RSRC1: variants seen among roughly 807,000 people sequenced by gnomAD.
RSRC1 encodes arginine and serine rich coiled-coil 1.
In RSRC1, 39 loss-of-function variants were observed where a neutral mutation model predicts 49.1. That is an observed-to-expected ratio of 0.79 (90% CI 0.61 to 1.04). The LOEUF (loss-of-function observed/expected upper bound fraction) is 1.04. Among genes scored for constraint, RSRC1 ranks in the 50% least tolerant of loss-of-function variants. The pLI is 0.00. For missense variants in RSRC1, 388 were observed against 402.4 expected, an observed-to-expected ratio of 0.96 and a Z score of 0.31; for synonymous variants, 143 against 130.8, an observed-to-expected ratio of 1.09 and a Z score of -0.63.
At chr3:158,161,410 T>C (rs1718210512) in intron 3 of RSRC1, among the ~76,000 whole-genome samples, 1 of 152,206 alleles carries the variant, frequency 6.6e-6, no homozygotes, top group Non-Finnish European at 1.5e-5. Flanking sequence ...CAACATTTCA[T>C]TGGCCAAAGC....
chr3:158,236,127 A>G (rs1486112512), intron 4 of RSRC1, among the ~76,000 whole-genome samples: 2 of 150,756 alleles, frequency 1.3e-5, no homozygotes, highest in South Asian at 2.1e-4. Context: ...AAAAAAAAAA[A>G]AGGAAGAAGA....
intron 3 of RSRC1, among the ~76,000 whole-genome samples, chr3:158,152,687 G>A (rs1180719384): frequency 6.6e-6 from 1 of 152,142 alleles, no homozygotes; most frequent in African/African-American, 2.4e-5. Flanking sequence ...TGAGATACAT[G>A]TGAGTACATA....
At chr3:158,349,220 T>C (rs1730727064) in intron 5 of RSRC1, among the ~76,000 whole-genome samples, 1 of 152,192 alleles carries the variant, frequency 6.6e-6, no homozygotes, top group Admixed American at 6.5e-5. Flanking sequence ...TGTGCATCCA[T>C]GTTAACTAAC....
At chr3:158,173,071 T>G (rs1359418976) in intron 3 of RSRC1, among the ~76,000 whole-genome samples, 1 of 152,088 alleles carries the variant, frequency 6.6e-6, no homozygotes, top group African/African-American at 2.4e-5. Flanking sequence ...TAATTAAATT[T>G]TTGCCCACTG....
chr3:158,363,908 G>C (rs1731617735), intron 6 of RSRC1, among the ~76,000 whole-genome samples: 1 of 152,100 alleles, frequency 6.6e-6, no homozygotes, highest in Non-Finnish European at 1.5e-5. Context: ...ACCCTTCCTA[G>C]GAGAGAAACT....
chr3:158,394,877 C>T (rs548131442), intron 6 of RSRC1, among the ~76,000 whole-genome samples: 2 of 152,128 alleles, frequency 1.3e-5, no homozygotes, highest in East Asian at 3.9e-4. Flanking sequence ...CCCAAATAGC[C>T]AAAGCAATCC....
intron 6 of RSRC1, among the ~76,000 whole-genome samples, chr3:158,378,580 C>T (rs1732512133): frequency 6.6e-6 from 1 of 152,144 alleles, no homozygotes; most frequent in East Asian, 1.9e-4. Context: ...GAAATATCAA[C>T]TTAATTAATT....
chr3:158,516,630 G>C (rs6776507), intron 7 of RSRC1, among the ~76,000 whole-genome samples: 78,551 of 151,946 alleles, frequency 0.52, 20,777 homozygotes, highest in African/African-American at 0.62. Context: ...CCACCCGGTT[G>C]GAGCTTCCCG....
Position 158,545,188 on chromosome 3 carries a change from A to ATTTTTTTTTTTTTTTT in RSRC1, c.*917_*918insTTTTTTTTTTTTTTTT, listed in dbSNP as rs1386441866. ...GCTGACATGAATATTTCCCGTTTCT[A>ATTTTTTTTTTTTTTTT]TTTTCTTTTTTTTTTTTTTTTTTTT... On this transcript the variant is annotated 3_prime_UTR_variant, in exon 10 of 10. Transcript: ENST00000611884. 2 of 58,792 alleles carry ATTTTTTTTTTTTTTTT rather than the reference A, an allele frequency of 3.4e-5. No homozygotes were observed. The highest frequency in any genetic ancestry group is 1.7e-4 in the Admixed American group (1 of 5,716). The allele number at this position is 58,792 out of a possible 1,614,324, so 3.6% of individuals were successfully genotyped here.
At position 158,511,808 on chromosome 3, in the gene RSRC1, T is replaced by C. The variant is rs577766001; in HGVS notation, c.653-25284T>C. Among the ~76,000 whole-genome samples, 51 of 151,920 alleles carry C rather than the reference T, an allele frequency of 3.4e-4. No individual in the cohort carries two copies. The South Asian group carries it at 5.8e-3, about 17-fold the overall frequency. The stretch of plus-strand genomic sequence containing the variant: ...TGTTGTTTCCTAACTTTTTAATGAT[T>C]GCCATTCTAAGTGGTGTGAGATGGT... On this transcript the variant is annotated intron_variant, in intron 7 of 9. Transcript: ENST00000611884.
At chr3:158,144,982 G>C (rs1716992044) in intron 3 of RSRC1, among the ~76,000 whole-genome samples, 2 of 151,952 alleles carry the variant, frequency 1.3e-5, no homozygotes, top group Non-Finnish European at 2.9e-5. Flanking sequence ...TGATGGGGTT[G>C]TTTTTTTCTT....
intron 6 of RSRC1, among the ~76,000 whole-genome samples, chr3:158,422,442 A>G (rs1735128821): frequency 6.6e-6 from 1 of 151,558 alleles, no homozygotes; most frequent in African/African-American, 2.4e-5. Flanking sequence ...TCCATGGTGT[A>G]TATGTGCCAC....
intron 3 of RSRC1, among the ~76,000 whole-genome samples, chr3:158,167,467 A>G (rs1051070095): frequency 6.6e-6 from 1 of 152,232 alleles, no homozygotes; most frequent in African/African-American, 2.4e-5. Context: ...CTGGGATTAC[A>G]GGCGTGAACC....
intron 7 of RSRC1, among the ~76,000 whole-genome samples, chr3:158,514,849 T>C (rs1435165969): frequency 6.6e-6 from 1 of 152,246 alleles, no homozygotes; most frequent in Admixed American, 6.5e-5. Context: ...TCTTGTTGAA[T>C]TGATCCCTTT....
intron 6 of RSRC1, among the ~76,000 whole-genome samples, chr3:158,450,331 C>CTTTT (rs57318071): frequency 7.9e-6 from 1 of 127,308 alleles, no homozygotes; most frequent in Non-Finnish European, 1.7e-5. Flanking sequence ...TTCTTTTTTG[C>CTTTT]TTTTTTTTTT....
chr3:158,193,707 T>C (rs1213004425), intron 3 of RSRC1, among the ~76,000 whole-genome samples: 1 of 152,122 alleles, frequency 6.6e-6, no homozygotes, highest in Non-Finnish European at 1.5e-5. Context: ...CTGTTAAAAT[T>C]TCCACGTATT....
chr3:158,335,043 C>G lies in RSRC1; in HGVS notation c.532-19814C>G, dbSNP rs116299891. Among the ~76,000 whole-genome samples, 1,163 of 152,114 alleles carry G rather than the reference C, an allele frequency of 7.6e-3. 20 individuals are homozygous for G. Among genetic ancestry groups the G allele is most frequent in the African/African-American group, 0.026 (1,095 of 41,478 alleles). On this transcript the variant is annotated intron_variant, in intron 5 of 9. Coordinates refer to ENST00000611884, the MANE Select transcript of RSRC1 (RefSeq NM_001271838.2). ...CTTTCACATAATGCTGTTTCCTTTC[C>G]AAATCTAAGCCTTAACTTCTGTTAA...
intron 7 of RSRC1, among the ~76,000 whole-genome samples, chr3:158,483,108 T>C (rs1301083184): frequency 6.6e-6 from 1 of 151,998 alleles, no homozygotes; most frequent in African/African-American, 2.4e-5. Context: ...AGGACACACA[T>C]AAAATCATTT....
rs528713521 is a variant in RSRC1 at position 158,545,107 on chromosome 3, T to G, written c.*832T>G. ...TGACAATCAACTATACGTTCCATAC[T>G]AAACATGCCAGAGATAGGACTTTTA... On this transcript the variant is annotated 3_prime_UTR_variant, in exon 10 of 10. Transcript: ENST00000611884. 30 of 151,656 alleles carry G rather than the reference T, an allele frequency of 2.0e-4. No individual in the cohort carries two copies. The highest frequency in any genetic ancestry group is 6.5e-4 in the African/African-American group (27 of 41,432). 9.4% of individuals were successfully genotyped at this position (151,656 alleles called of 1,614,324 possible). A position where few individuals can be genotyped will look rare whatever the true frequency, so the allele number is the denominator to read the frequency against.
Sources: allele counts gnomAD v4.1 joint callset (sites outside exome capture counted in the v4.1 genomes callset), GRCh38; gene constraint gnomAD v4.1.1; transcripts MANE v1.5; gene names NCBI Gene and HGNC (gene_info 2026-07-23, HGNC 2026-07-21).